The following VTCN1 variants were observed in gnomAD, a reference collection of about 807,000 sequenced individuals.
VTCN1 encodes V-set domain-containing T-cell activation inhibitor 1.
Under a neutral mutation model 26.5 loss-of-function variants are expected in VTCN1, and 26 were observed. The ratio of observed to expected loss-of-function variants is 0.98; its 90% CI spans 0.72 to 1.36. The LOEUF (loss-of-function observed/expected upper bound fraction) is 1.36, where lower values mean the gene tolerates loss of function less well. VTCN1 is among the 40% of genes most tolerant of loss of function. The pLI is 0.00. For synonymous variants in VTCN1, 116 were observed against 130.7 expected (o/e 0.89, Z 0.77); for missense variants, 298 against 337.7 (o/e 0.88, Z 0.92).
intron 1 of VTCN1, chr1:117,203,847 C>T (rs1648912674): frequency 1.1e-6 from 1 of 935,582 alleles, no homozygotes; most frequent in Non-Finnish European, 1.3e-6. Context: ...GCCCTGCCCC[C>T]AGAATTTCTG....
At position 117,147,237 on chromosome 1, in the gene VTCN1, A is replaced by T. The variant is rs1651556515; in HGVS notation, c.*45+376T>A. ...GTCCACAGGGGCCGGCTGGAAGGGCAGGGAGGGGTTTTATGTGAATGATGA... is the reference window on the plus strand; with the variant it reads ...GTCCACAGGGGCCGGCTGGAAGGGCTGGGAGGGGTTTTATGTGAATGATGA... On this transcript the variant is annotated intron_variant, in intron 5 of 5. Coordinates refer to ENST00000369458, the MANE Select transcript of VTCN1 (RefSeq NM_024626.4). This position sits in a 1 kb window ranked among gnomAD's most constrained non-coding sequence, Gnocchi z 4.6. Among the ~76,000 whole-genome samples, 1 of 152,160 alleles carries T rather than the reference A, an allele frequency of 6.6e-6. No homozygotes were observed. The highest frequency in any genetic ancestry group is 2.4e-5 in the African/African-American group (1 of 41,434).
chr1:117,180,123 C>G (rs190330444), intron 1 of VTCN1, among the ~76,000 whole-genome samples: 41 of 152,230 alleles, frequency 2.7e-4, no homozygotes, highest in South Asian at 1.5e-3. Context: ...TTCTCTCCCC[C>G]CCAGGAAGTG....
chr1:117,209,028 A>G (rs1406184322), intron 1 of VTCN1, among the ~76,000 whole-genome samples: 2 of 152,192 alleles, frequency 1.3e-5, no homozygotes, highest in Non-Finnish European at 2.9e-5. Flanking sequence ...ATGAGCTTTC[A>G]TGATCCTGCT....
chr1:117,204,606 C>T lies in VTCN1; in HGVS notation c.32+6218G>A, dbSNP rs190799810. Among the ~76,000 whole-genome samples the T allele has an allele frequency of 2.6e-4, 39 of 152,230 alleles. No homozygotes were observed. In the East Asian group the frequency reaches 6.6e-3, roughly 26 times the overall value. On this transcript the variant is annotated intron_variant, in intron 1 of 5. Coordinates refer to ENST00000369458, the MANE Select transcript of VTCN1 (RefSeq NM_024626.4). ...TTTTGGCCAGTTGCGGTGGCTCACG[C>T]CTGTAATCCCAGCACTTTGGGAGGC...
Position 117,205,181 on chromosome 1 carries a change from G to C in VTCN1, c.32+5643C>G, listed in dbSNP as rs188297121. Among the ~76,000 whole-genome samples, 168 of 148,886 alleles carry C rather than the reference G, an allele frequency of 1.1e-3. 5 individuals are homozygous for C. In the East Asian group the frequency reaches 0.017, roughly 15 times the overall value. On this transcript the variant is annotated intron_variant, in intron 1 of 5. Coordinates refer to ENST00000369458, the MANE Select transcript of VTCN1 (RefSeq NM_024626.4). Reference sequence around the variant, plus strand: ...ATAGAGAGAGAGAGAGAGAGAGGGGGGTCTCGCTCTATTACCCAGGCTGGA... The same window carrying C: ...ATAGAGAGAGAGAGAGAGAGAGGGGCGTCTCGCTCTATTACCCAGGCTGGA...
intron 4 of VTCN1, 90 bp downstream of exon 4, chr1:117,153,001 C>T (rs1651872981): frequency 6.9e-7 from 1 of 1,444,224 alleles, no homozygotes; most frequent in Admixed American, 2.2e-5. Context: ...GATTTTTGTG[C>T]CTTGGTATAT....
intron 4 of VTCN1, among the ~76,000 whole-genome samples, chr1:117,152,591 G>A (rs753688142): frequency 5.3e-5 from 8 of 152,142 alleles, no homozygotes; most frequent in African/African-American, 1.9e-4. Context: ...CAATATTAGT[G>A]GGATCATGAG....
chr1:117,154,698 A>C (rs967629696), intron 3 of VTCN1, among the ~76,000 whole-genome samples: 5 of 150,364 alleles, frequency 3.3e-5, no homozygotes, highest in African/African-American at 1.2e-4. Flanking sequence ...CAGGAGAATC[A>C]CTTGAACCTG....
chr1:117,200,634 T>A (rs1020185021), intron 1 of VTCN1, among the ~76,000 whole-genome samples: 15 of 152,208 alleles, frequency 9.9e-5, no homozygotes, highest in Non-Finnish European at 2.1e-4. Context: ...ACCCAGTGGC[T>A]CTTTTCCAAA....
chr1:117,187,067 G>T, intron 1 of VTCN1, among the ~76,000 whole-genome samples: 1 of 151,946 alleles, frequency 6.6e-6, no homozygotes, highest in South Asian at 2.1e-4. Context: ...CAGGTGGATT[G>T]CTTGAGTCCA....
intron 1 of VTCN1, among the ~76,000 whole-genome samples, chr1:117,172,984 A>G (rs1653003670): frequency 6.6e-6 from 1 of 152,176 alleles, no homozygotes; most frequent in East Asian, 1.9e-4. Context: ...CATGCTGTGG[A>G]AGCTTTGTTC....
intron 1 of VTCN1, among the ~76,000 whole-genome samples, chr1:117,178,914 C>T (rs1309042782): frequency 5.3e-5 from 8 of 152,064 alleles, no homozygotes; most frequent in Non-Finnish European, 1.2e-4. Flanking sequence ...TAAGTGAGCA[C>T]GTGGGCCCTG....
chr1:117,170,706 AAAAAAC>A (rs1441086966), intron 1 of VTCN1, among the ~76,000 whole-genome samples: 1 of 152,216 alleles, frequency 6.6e-6, no homozygotes, highest in South Asian at 2.1e-4. Context: ...TCTTTTATTA[AAAAAAC>A]AAAAACAAAA....
chr1:117,178,230 A>G (rs533462133), intron 1 of VTCN1, among the ~76,000 whole-genome samples: 8 of 146,556 alleles, frequency 5.5e-5, no homozygotes, highest in Non-Finnish European at 1.2e-4. Context: ...CACCTGGCTG[A>G]GTGTTTTTGT....
At chr1:117,192,864 C>A (rs923039454) in intron 1 of VTCN1, among the ~76,000 whole-genome samples, 3 of 152,034 alleles carry the variant, frequency 2.0e-5, no homozygotes, top group African/African-American at 4.8e-5. Context: ...AAACTTCAGA[C>A]CACTTAGAAA....
intron 1 of VTCN1, among the ~76,000 whole-genome samples, chr1:117,198,633 C>T (rs9660591): frequency 0.9 from 137,016 of 152,216 alleles, 62,456 homozygotes; most frequent in Non-Finnish European, 0.97. Flanking sequence ...CACATCAGCA[C>T]CACCCACCTG....
chr1:117,196,110 C>A (rs1351110613), intron 1 of VTCN1, among the ~76,000 whole-genome samples: 1 of 152,054 alleles, frequency 6.6e-6, no homozygotes, highest in Admixed American at 6.6e-5. Flanking sequence ...TATGATAGTA[C>A]CACTGCACTC....
chr1:117,184,075 T>G (rs973161664), intron 1 of VTCN1, among the ~76,000 whole-genome samples: 1 of 152,046 alleles, frequency 6.6e-6, no homozygotes, highest in Non-Finnish European at 1.5e-5. Flanking sequence ...TTTTGGGAAA[T>G]GGAGATGTTA....
chr1:117,191,361 A>G (rs778286908), intron 1 of VTCN1, among the ~76,000 whole-genome samples: 1 of 152,216 alleles, frequency 6.6e-6, no homozygotes, highest in Admixed American at 6.5e-5. Flanking sequence ...ATACTATTTA[A>G]AGATGTAATA....
Sources: gnomAD v4.1 joint callset for allele counts (sites outside exome capture counted in the v4.1 genomes callset) on GRCh38, gnomAD v4.1.1 for gene constraint, Gnocchi (gnomAD v3.1) non-coding constraint, MANE v1.5 for transcripts, NCBI Gene and HGNC (gene_info 2026-07-23, HGNC 2026-07-21) for gene names.